Variants in TMEM63A observed in about 807,000 individuals in gnomAD.
TMEM63A encodes mechanosensitive cation channel TMEM63A.
Under a neutral mutation model 100.6 loss-of-function variants are expected in TMEM63A, and 76 were observed. That is an observed-to-expected ratio of 0.76 (90% CI 0.63 to 0.91). The LOEUF is 0.91. Ranked by LOEUF, TMEM63A falls within the 40% of genes least tolerant of loss-of-function variation. TMEM63A has a pLI of 0.00. For synonymous variants in TMEM63A, 401 were observed against 401.1 expected (o/e 1.00, Z 0.00); for missense variants, 876 against 1,008.8 (o/e 0.87, Z 1.78).
In TMEM63A at chr1:225,853,737, C is replaced by G; in HGVS notation, c.1689G>C (p.Ser563=). The part of the protein sequence containing the change: ...GAFFVNYVIA[S]AFIGNGMELL... ...GCTCCATGCCATTGCCGATGAAGGC[C>G]GAGGCGATGACATAGTTCACAAAGA... The change falls in exon 19 of 25, where the codon TCG becomes TCC. Residue 563 remains serine, a synonymous_variant. Transcript: ENST00000366835. The surrounding 1 kb of genome is among the most constrained non-coding windows in gnomAD (Gnocchi z 4.0). 1 of 1,605,286 alleles carries G rather than the reference C, an allele frequency of 6.2e-7. No individual in the cohort carries two copies. The highest frequency in any genetic ancestry group is 1.1e-5 in the South Asian group (1 of 89,356).
rs1426709695 is a variant in TMEM63A, at chr1:225,856,740, T to G, written c.1485-2A>C. 6.2e-7 allele frequency: 1 copy of G among 1,613,370 alleles called. No homozygotes were observed. The stretch of plus-strand genomic sequence containing the variant: ...ATCATGATCTGGTTTTCCCCCGACC[T>G]GCAGGAAGTCAAAGGTGAGCACTCG... On this transcript the variant is annotated splice_acceptor_variant, in intron 16 of 24. Coordinates refer to ENST00000366835, the MANE Select transcript of TMEM63A (RefSeq NM_014698.3). LOFTEE classifies it high-confidence loss of function.
At chr1:225,842,763 C>T (rs1576041904), downstream of TMEM63A, among the ~76,000 whole-genome samples, 1 of 152,236 alleles carries the variant, frequency 6.6e-6, no homozygotes, top group East Asian at 1.9e-4. Flanking sequence ...GCCCACAGGG[C>T]AGCAGGCACC....
At chr1:225,871,248 C>T (rs1240140550) in intron 5 of TMEM63A, 135 bp from the exon 6 acceptor site, 2 of 850,188 alleles carry the variant, frequency 2.4e-6, no homozygotes, top group East Asian at 2.7e-5. Flanking sequence ...CCATATTCAG[C>T]AAGCATGAGC....
At chr1:225,851,939 G>A (rs774847614) in intron 20 of TMEM63A, among the ~76,000 whole-genome samples, 10 of 152,366 alleles carry the variant, frequency 6.6e-5, no homozygotes, top group South Asian at 2.1e-4. Flanking sequence ...AACAACATAC[G>A]AAGTTATTTT....
chr1:225,841,601 C>CTTT (rs35827447), downstream of TMEM63A, among the ~76,000 whole-genome samples: 8 of 104,426 alleles, frequency 7.7e-5, no homozygotes, highest in Admixed American at 1.1e-4. Context: ...CTGTCCCAGC[C>CTTT]TTTTTTTTTT....
intron 24 of TMEM63A, 29 bp from the exon 25 acceptor site, chr1:225,846,961 T>C: frequency 6.7e-7 from 1 of 1,482,752 alleles, no homozygotes; most frequent in South Asian, 1.3e-5. Flanking sequence ...AGTCATGAAC[T>C]TGGGAGTCAG....
At chr1:225,848,459 C>T (rs776908233) in intron 23 of TMEM63A, 33 bp downstream of exon 23, 46 of 1,610,128 alleles carry the variant, frequency 2.9e-5, no homozygotes, top group Middle Eastern at 1.7e-4. Flanking sequence ...AAAAAAAGGG[C>T]GACAAGCTCA....
In TMEM63A at chr1:225,873,703, C is replaced by G. The variant is rs1409068749; in HGVS notation, c.266+585G>C. Among the ~76,000 whole-genome samples the G allele has an allele frequency of 3.3e-5, 5 of 152,314 alleles. No individual in the cohort carries two copies. The South Asian group carries it at 8.3e-4, about 25-fold the overall frequency. On this transcript the variant is annotated intron_variant, in intron 4 of 24. Coordinates refer to ENST00000366835, the MANE Select transcript of TMEM63A (RefSeq NM_014698.3). ...GGCCGAGGGAGCCTGTGCTTTGTAA[C>G]AGACTCATCCAAACCCGGCGCTGAC... is the stretch of plus-strand genomic sequence containing the variant.
chr1:225,866,788 C>T, intron 8 of TMEM63A, 106 bp from the exon 9 acceptor site: 1 of 969,376 alleles, frequency 1.0e-6, no homozygotes, highest in South Asian at 1.5e-5. Flanking sequence ...TGAGGACCAA[C>T]AGCTTCACTG....
chr1:225,870,433 C>T (rs910892946), intron 6 of TMEM63A, among the ~76,000 whole-genome samples: 2 of 53,886 alleles, frequency 3.7e-5, no homozygotes, highest in Non-Finnish European at 6.9e-5. Context: ...CCAAGACTCA[C>T]ATCAGTCCCC....
At chr1:225,852,223 G>A (rs1311711304) in intron 20 of TMEM63A, among the ~76,000 whole-genome samples, 3 of 152,270 alleles carry the variant, frequency 2.0e-5, no homozygotes, top group Admixed American at 6.5e-5. Context: ...TGTGGCTCAT[G>A]CCTATAATCC....
In TMEM63A at chr1:225,879,288, G is replaced by T. The variant is rs1309073804; in HGVS notation, c.-83C>A. On this transcript the variant is annotated 5_prime_UTR_variant, in exon 2 of 25. Transcript: ENST00000366835. The stretch of plus-strand genomic sequence containing the variant: ...AGGTCCTCAGTTGGAGCTGTCTCTG[G>T]CAAAGGCAAAAGCAGCCCCAGCCAC... 1 of 152,266 alleles carries T rather than the reference G, an allele frequency of 6.6e-6. No individual in the cohort carries two copies. Among genetic ancestry groups the T allele is most frequent in the Non-Finnish European group, 1.5e-5 (1 of 68,128 alleles). 9.4% of individuals were successfully genotyped at this position (152,266 alleles called of 1,614,324 possible). A position where few individuals can be genotyped will look rare whatever the true frequency, so the allele number is the denominator to read the frequency against.
chr1:225,845,471 G>A (rs747526057), downstream of TMEM63A: 24 of 990,006 alleles, frequency 2.4e-5, no homozygotes, highest in South Asian at 4.6e-5. Flanking sequence ...GGGAGCCCAC[G>A]CTCACCCCCT....
rs996970528 is a variant in TMEM63A, at chr1:225,867,020, C to T, written c.566+92G>A. On this transcript the variant is annotated intron_variant, in intron 8 of 24. Transcript: ENST00000366835. The surrounding 1 kb of genome is among the most constrained non-coding windows in gnomAD (Gnocchi z 4.6). ...GGGCCTTCAGATACCAGCCGGCCCC[C>T]TTTGGAGTACCTCTGGCCTGCCCCG... The T allele has an allele frequency of 3.3e-5, 46 of 1,380,024 alleles. No homozygotes were observed. The highest frequency in any genetic ancestry group is 4.3e-5 in the African/African-American group (3 of 69,714). The allele number at this position is 1,380,024 out of a possible 1,614,324, so 85.5% of individuals were successfully genotyped here.
chr1:225,872,957 G>C (rs968431925), intron 4 of TMEM63A, among the ~76,000 whole-genome samples: 2 of 152,122 alleles, frequency 1.3e-5, no homozygotes, highest in Non-Finnish European at 2.9e-5. Flanking sequence ...GCCTCCCAAA[G>C]TGCTGGGATT....
Position 225,845,939 on chromosome 1 carries a change from G to T in TMEM63A, c.*1000C>A. The T allele has an allele frequency of 5.9e-6, 1 of 169,440 alleles. No individual in the cohort carries two copies. Among genetic ancestry groups the T allele is most frequent in the Non-Finnish European group, 1.3e-5 (1 of 77,486 alleles). 10.5% of individuals were successfully genotyped at this position (169,440 alleles called of 1,614,324 possible). A position where few individuals can be genotyped will look rare whatever the true frequency, so the allele number is the denominator to read the frequency against. The stretch of plus-strand genomic sequence containing the variant: ...ACCTGCTCTTCCACACCCCCATCCC[G>T]CCCCTACTGCACAGGCTTGTGCCTT... On this transcript the variant is annotated 3_prime_UTR_variant, in exon 25 of 25. Transcript: ENST00000366835.
intron 8 of TMEM63A, 47 bp from the exon 9 acceptor site, chr1:225,866,729 A>T (rs1670234636): frequency 1.3e-6 from 2 of 1,576,902 alleles, no homozygotes; most frequent in Admixed American, 1.7e-5. Flanking sequence ...CCAGGCAGGG[A>T]GCTGGGGGTG....
chr1:225,852,014 G>A (rs867927882), intron 20 of TMEM63A, among the ~76,000 whole-genome samples: 2 of 152,386 alleles, frequency 1.3e-5, no homozygotes, highest in East Asian at 1.9e-4. Flanking sequence ...GGTAATCCAC[G>A]TGGAGGCAGG....
downstream of TMEM63A, among the ~76,000 whole-genome samples, chr1:225,843,356 G>A (rs1311043444): frequency 6.6e-6 from 1 of 152,190 alleles, no homozygotes; most frequent in Non-Finnish European, 1.5e-5. Flanking sequence ...AGGGTGCTTG[G>A]AAAGGGTGGC....
Sources: allele counts gnomAD v4.1 joint callset (sites outside exome capture counted in the v4.1 genomes callset), GRCh38; gene constraint gnomAD v4.1.1; non-coding constraint Gnocchi (gnomAD v3.1); transcripts MANE v1.5; gene names NCBI Gene and HGNC (gene_info 2026-07-23, HGNC 2026-07-21).